Variants in CFAP61 observed in about 807,000 individuals in gnomAD.
The protein encoded by CFAP61 is cilia- and flagella-associated protein 61.
In CFAP61, 107 loss-of-function variants were observed where a neutral mutation model predicts 135.6. That is an observed-to-expected ratio of 0.79 (90% CI 0.67 to 0.93). The LOEUF (loss-of-function observed/expected upper bound fraction) is 0.93, where lower values mean the gene tolerates loss of function less well. Ranked by LOEUF, CFAP61 falls within the 40% of genes least tolerant of loss-of-function variation. The probability of loss-of-function intolerance (pLI) is 0.00; values close to 1 mark genes in which losing one functional copy is unlikely to be tolerated. For missense variants in CFAP61, 1,507 were observed against 1,556.2 expected (o/e 0.97, Z 0.53); for synonymous variants, 575 against 578.5 (o/e 0.99, Z 0.09).
chr20:20,247,028 G>A (rs2050504457), intron 19 of CFAP61, among the ~76,000 whole-genome samples: 1 of 152,174 alleles, frequency 6.6e-6, no homozygotes, highest in Admixed American at 6.5e-5. Context: ...AAAGGGCATG[G>A]GTTTGAGCCA....
intron 17 of CFAP61, among the ~76,000 whole-genome samples, chr20:20,211,561 A>AT (rs1372425022): frequency 6.6e-6 from 1 of 152,074 alleles, no homozygotes; most frequent in Non-Finnish European, 1.5e-5. Flanking sequence ...AGCCATAAAG[A>AT]TTTTTTTTAC....
chr20:20,191,469 A>G (rs2055915472), intron 15 of CFAP61, 50 bp downstream of exon 15: 1 of 1,398,966 alleles, frequency 7.1e-7, no homozygotes, highest in East Asian at 2.3e-5. Context: ...TTGCTATATC[A>G]TGAATTAGCC....
At chr20:20,343,139 G>A (rs970755283) in intron 26 of CFAP61, among the ~76,000 whole-genome samples, 1 of 152,194 alleles carries the variant, frequency 6.6e-6, no homozygotes, top group African/African-American at 2.4e-5. Flanking sequence ...TTACAGGCGT[G>A]AGCCATCGCG....
chr20:20,088,258 C>T (rs937395508), intron 6 of CFAP61, among the ~76,000 whole-genome samples: 28 of 152,184 alleles, frequency 1.8e-4, no homozygotes, highest in African/African-American at 6.8e-4. Flanking sequence ...TTTGCTGTCT[C>T]TCCTTCCAGA....
At chr20:20,340,708 G>A (rs547301286) in intron 25 of CFAP61, among the ~76,000 whole-genome samples, 12 of 152,278 alleles carry the variant, frequency 7.9e-5, no homozygotes, top group African/African-American at 1.9e-4. Flanking sequence ...AAAACCAAGG[G>A]GGTGGGAGCT....
rs571893892 is a variant in CFAP61 at position 20,300,137 on chromosome 20, A to T, written c.3422+1751A>T. Among the ~76,000 whole-genome samples, 6 of 152,256 alleles carry T rather than the reference A, an allele frequency of 3.9e-5. No individual in the cohort carries two copies. In the East Asian group the frequency reaches 7.7e-4, roughly 20 times the overall value. Reference sequence around the variant, plus strand: ...GTGGTGATGCTGGGTCAACAAACCTACTGTGCTGCCCAGTTGGTATAAAAG... The same window carrying T: ...GTGGTGATGCTGGGTCAACAAACCTTCTGTGCTGCCCAGTTGGTATAAAAG... On this transcript the variant is annotated intron_variant, in intron 25 of 26. Transcript: ENST00000245957.
At chr20:20,288,479 A>G (rs2147062993) in intron 22 of CFAP61, 130 bp from the exon 23 acceptor site, 1 of 722,556 alleles carries the variant, frequency 1.4e-6, no homozygotes, top group South Asian at 1.7e-5. Context: ...CACAAACAAC[A>G]TGATAGCAAA....
intron 26 of CFAP61, among the ~76,000 whole-genome samples, chr20:20,354,219 C>T (rs753612975): frequency 2.6e-5 from 4 of 152,066 alleles, no homozygotes; most frequent in Non-Finnish European, 5.9e-5. Context: ...TATAATAATT[C>T]GGGTACAGCC....
At chr20:20,303,174 T>C (rs1295595384) in intron 25 of CFAP61, among the ~76,000 whole-genome samples, 6 of 152,210 alleles carry the variant, frequency 3.9e-5, no homozygotes, top group African/African-American at 7.2e-5. Context: ...GGGAATGATA[T>C]GCTAAGACTT....
At chr20:20,233,143 A>C (rs1166782795) in intron 18 of CFAP61, among the ~76,000 whole-genome samples, 1 of 152,208 alleles carries the variant, frequency 6.6e-6, no homozygotes, top group Admixed American at 6.5e-5. Context: ...AGTTCCGCAC[A>C]ATATCCGGCA....
intron 20 of CFAP61, among the ~76,000 whole-genome samples, chr20:20,259,153 T>C (rs934962256): frequency 1.3e-5 from 2 of 151,632 alleles, no homozygotes; most frequent in Non-Finnish European, 2.9e-5. Context: ...GTTTATTTCC[T>C]TCTCTCATTA....
chr20:20,204,617 T>A (rs1021344696), intron 17 of CFAP61, among the ~76,000 whole-genome samples: 1 of 152,190 alleles, frequency 6.6e-6, no homozygotes, highest in African/African-American at 2.4e-5. Flanking sequence ...CTTTATTGTT[T>A]CCCAGCCCCT....
chr20:20,134,428 C>G (rs546775587), intron 8 of CFAP61, among the ~76,000 whole-genome samples: 3 of 152,294 alleles, frequency 2.0e-5, no homozygotes, highest in African/African-American at 4.8e-5. Flanking sequence ...GCCAGGCAAT[C>G]AAGACCTTGC....
intron 18 of CFAP61, among the ~76,000 whole-genome samples, chr20:20,230,633 A>C (rs962637125): frequency 4.6e-5 from 7 of 151,774 alleles, no homozygotes; most frequent in South Asian, 2.1e-4. Flanking sequence ...GTTCACTACA[A>C]CCTCCGCCTC....
At chr20:20,066,010 C>G (rs1412294969) in intron 2 of CFAP61, among the ~76,000 whole-genome samples, 3 of 152,060 alleles carry the variant, frequency 2.0e-5, no homozygotes, top group African/African-American at 7.2e-5. Flanking sequence ...ACAACCCCAT[C>G]AAAAAGTGGG....
At chr20:20,090,311 C>T (rs1198659932) in intron 6 of CFAP61, among the ~76,000 whole-genome samples, 2 of 152,232 alleles carry the variant, frequency 1.3e-5, no homozygotes, top group African/African-American at 2.4e-5. Context: ...GACCCTCTCA[C>T]TCTCTATCCC....
At chr20:20,177,568 C>T (rs2054727662) in intron 13 of CFAP61, among the ~76,000 whole-genome samples, 1 of 151,704 alleles carries the variant, frequency 6.6e-6, no homozygotes, top group Non-Finnish European at 1.5e-5. Flanking sequence ...AAAGCCCCCT[C>T]ATTCATCCAG....
At chr20:20,254,974 C>T (rs1222565964) in intron 20 of CFAP61, among the ~76,000 whole-genome samples, 1 of 152,248 alleles carries the variant, frequency 6.6e-6, no homozygotes, top group Non-Finnish European at 1.5e-5. Flanking sequence ...TCCCAGCTCT[C>T]TTTCCAGAGG....
intron 6 of CFAP61, chr20:20,085,186 A>C: frequency 1.0e-6 from 1 of 985,438 alleles, no homozygotes; most frequent in Non-Finnish European, 1.2e-6. Context: ...CTGCGGTGCC[A>C]AATTCACAGT....
Sources: gnomAD v4.1 joint callset for allele counts (sites outside exome capture counted in the v4.1 genomes callset) on GRCh38, gnomAD v4.1.1 for gene constraint, MANE v1.5 for transcripts, NCBI Gene and HGNC (gene_info 2026-07-23, HGNC 2026-07-21) for gene names.